Variants in SOX6 observed in about 807,000 individuals in gnomAD.
The protein encoded by SOX6 is transcription factor SOX-6.
SOX6 carries 11 observed loss-of-function variants against 97.8 expected under a neutral mutation model. The observed-to-expected ratio is 0.11, with a 90% CI of 0.07 to 0.19. SOX6 has a LOEUF of 0.19. Among genes scored for constraint, SOX6 ranks in the 10% least tolerant of loss-of-function variants. The pLI is 1.00. For synonymous variants in SOX6, 360 were observed against 371.4 expected (o/e 0.97, Z 0.35); for missense variants, 810 against 1,039.5 (o/e 0.78, Z 3.04).
intron 6 of SOX6, among the ~76,000 whole-genome samples, chr11:16,165,672 C>T (rs1441709699): frequency 2.0e-5 from 3 of 152,018 alleles, no homozygotes; most frequent in African/African-American, 7.2e-5. Flanking sequence ...CCAAGGCGGG[C>T]AGATCACTTG....
At chr11:15,985,367 T>C (rs528476713) in intron 15 of SOX6, among the ~76,000 whole-genome samples, 6 of 152,196 alleles carry the variant, frequency 3.9e-5, no homozygotes, top group African/African-American at 1.4e-4. Context: ...ACTCTGCTTC[T>C]CTCTCTCAAG....
rs571319751 is a variant in SOX6 at position 16,167,487 on chromosome 11, A to G, written c.777+16399T>C. 2.5e-3 allele frequency among the ~76,000 whole-genome samples: 387 copies of G among 152,222 alleles called. 3 individuals are homozygous for G. Among genetic ancestry groups the G allele is most frequent in the Middle Eastern group, 0.01 (3 of 294 alleles). ...AAGTCAGGGCACGCCGTTCTTTCCA[A>G]TGGTCTCCCATCCCATTTGAAGACT... On this transcript the variant is annotated intron_variant, in intron 6 of 15. Transcript: ENST00000683767.
At chr11:16,450,355 G>A (rs1173450708) in intron 1 of SOX6, among the ~76,000 whole-genome samples, 1 of 152,134 alleles carries the variant, frequency 6.6e-6, no homozygotes, top group Non-Finnish European at 1.5e-5. Context: ...GATTATTAGT[G>A]GCTATTGCAC....
intron 3 of SOX6, among the ~76,000 whole-genome samples, chr11:16,244,517 C>T (rs977336461): frequency 4.0e-5 from 6 of 151,616 alleles, no homozygotes; most frequent in East Asian, 3.8e-4. Flanking sequence ...TTTTCAATAT[C>T]ACAAAGATTT....
chr11:16,493,150 T>G (rs907970668), intron 4 of SOX6, among the ~76,000 whole-genome samples: 1 of 152,182 alleles, frequency 6.6e-6, no homozygotes, highest in Non-Finnish European at 1.5e-5. Context: ...ACACCAAGTA[T>G]ACAAGAATGC....
chr11:16,080,895 A>C (rs1025534138), intron 9 of SOX6, among the ~76,000 whole-genome samples: 1 of 152,126 alleles, frequency 6.6e-6, no homozygotes, highest in African/African-American at 2.4e-5. Flanking sequence ...AGCCAGGCAC[A>C]GTGCAACATA....
chr11:16,234,725 A>C, intron 3 of SOX6, 54 bp from the exon 4 acceptor site: 1 of 1,086,076 alleles, frequency 9.2e-7, no homozygotes, highest in South Asian at 1.6e-5. Context: ...CAAATTTAGA[A>C]AGTCAGTTTA....
chr11:16,649,784 A>G (rs1849066718), intron 3 of SOX6, among the ~76,000 whole-genome samples: 2 of 152,156 alleles, frequency 1.3e-5, no homozygotes. Flanking sequence ...TCTCAATACT[A>G]ATGTTGAAGG....
intron 1 of SOX6, among the ~76,000 whole-genome samples, chr11:16,372,259 A>C (rs1029368029): frequency 4.6e-5 from 7 of 152,110 alleles, no homozygotes; most frequent in Non-Finnish European, 7.4e-5. Flanking sequence ...ACCTAAGAAA[A>C]GCAAGTTATT....
chr11:16,363,177 T>C (rs896906662), intron 1 of SOX6, among the ~76,000 whole-genome samples: 10 of 152,328 alleles, frequency 6.6e-5, no homozygotes, highest in Non-Finnish European at 1.3e-4. Flanking sequence ...CAAACATCCC[T>C]GGTAGAAGGA....
chr11:16,595,483 T>C (rs1848202215), intron 4 of SOX6, among the ~76,000 whole-genome samples: 1 of 152,056 alleles, frequency 6.6e-6, no homozygotes, highest in African/African-American at 2.4e-5. Context: ...AACATGAGTT[T>C]CCAGATTATG....
intron 1 of SOX6, among the ~76,000 whole-genome samples, chr11:16,355,080 A>G (rs576247186): frequency 6.6e-6 from 1 of 152,086 alleles, no homozygotes; most frequent in South Asian, 2.1e-4. Context: ...TATTCTGGTC[A>G]ATTCATTATC....
chr11:16,472,249 C>T (rs1860151991), intron 1 of SOX6, among the ~76,000 whole-genome samples: 1 of 152,152 alleles, frequency 6.6e-6, no homozygotes, highest in Non-Finnish European at 1.5e-5. Flanking sequence ...AAACTTTACT[C>T]ATCCTGAAAA....
intron 10 of SOX6, among the ~76,000 whole-genome samples, chr11:16,050,446 C>G (rs1173131312): frequency 3.3e-5 from 5 of 152,200 alleles, no homozygotes; most frequent in African/African-American, 1.2e-4. Flanking sequence ...CAGGGAGCCA[C>G]ATGCCACAGC....
intron 12 of SOX6, among the ~76,000 whole-genome samples, chr11:16,022,819 T>C (rs1350274159): frequency 1.3e-5 from 2 of 152,166 alleles, no homozygotes; most frequent in Non-Finnish European, 2.9e-5. Flanking sequence ...TTTTAAGCAC[T>C]CAAGTCTTCC....
intron 4 of SOX6, among the ~76,000 whole-genome samples, chr11:16,227,807 C>G (rs1336516837): frequency 2.0e-5 from 3 of 152,170 alleles, no homozygotes; most frequent in African/African-American, 7.2e-5. Context: ...GGCCAAACTT[C>G]CCTAGGTCTT....
intron 3 of SOX6, among the ~76,000 whole-genome samples, chr11:16,714,612 C>T (rs959058822): frequency 3.3e-5 from 5 of 152,038 alleles, no homozygotes; most frequent in African/African-American, 1.2e-4. Context: ...CCACCACGCC[C>T]AGCTAATTTT....
intron 1 of SOX6, among the ~76,000 whole-genome samples, chr11:16,366,283 G>A (rs1857357094): frequency 6.6e-6 from 1 of 152,082 alleles, no homozygotes; most frequent in Non-Finnish European, 1.5e-5. Flanking sequence ...GCTGCTGGTT[G>A]GAAAGGGCTT....
intron 1 of SOX6, among the ~76,000 whole-genome samples, chr11:16,352,353 C>T (rs983100474): frequency 6.6e-6 from 1 of 151,830 alleles, no homozygotes; most frequent in Non-Finnish European, 1.5e-5. Flanking sequence ...ATAATTTTTA[C>T]TAGATGCTTA....
Sources: gnomAD v4.1 joint callset for allele counts (sites outside exome capture counted in the v4.1 genomes callset) on GRCh38, gnomAD v4.1.1 for gene constraint, MANE v1.5 for transcripts, NCBI Gene and HGNC (gene_info 2026-07-23, HGNC 2026-07-21) for gene names.